GIPR: variants seen among roughly 807,000 people sequenced by gnomAD.
The protein encoded by GIPR is GIP-R.
A neutral mutation model predicts 62.2 loss-of-function variants in GIPR; 74 were observed. The ratio of observed to expected loss-of-function variants is 1.19; its 90% confidence interval spans 0.99 to 1.44. GIPR has a LOEUF of 1.44. Among genes scored for constraint, GIPR ranks in the 40% most tolerant of loss-of-function variants. The probability of loss-of-function intolerance (pLI) is 0.00; values close to 1 mark genes in which losing one functional copy is unlikely to be tolerated. For missense variants in GIPR, 664 were observed against 611.8 expected (o/e 1.09, Z -0.90); for synonymous variants, 256 against 262.2 (o/e 0.98, Z 0.23).
chr19:45,681,635 T>C lies in GIPR; in HGVS notation c.1184T>C (p.Ile395Thr), dbSNP rs1194775078. Residue 395 changes from isoleucine (I) to threonine (T), a missense_variant, in exon 13 of 14, where the codon ATC becomes ACC. By Grantham distance (89) the Ile-to-Thr change is moderately conservative. Transcript: ENST00000590918. ...CTGGTCAGCGTCCTCTACTGCTTCA[T>C]CAACAAGGAGGTAGGCAGAGACCCG... The part of the protein sequence containing the change: ...GFLVSVLYCF[I>T]NKEVQSEIRR... 6.2e-7 allele frequency: 1 copy of C among 1,613,754 alleles called. No homozygotes were observed. Among genetic ancestry groups the C allele is most frequent in the East Asian group, 2.2e-5 (1 of 44,882 alleles).
At chr19:45,680,649 C>T (rs1967178580) in intron 12 of GIPR, among the ~76,000 whole-genome samples, 1 of 151,754 alleles carries the variant, frequency 6.6e-6, no homozygotes, top group Non-Finnish European at 1.5e-5. Flanking sequence ...GGCAACATGG[C>T]AAAAATTCTG....
rs1280893409 is a variant in GIPR, at chr19:45,682,463, A to G, written c.*528A>G. The G allele has an allele frequency of 3.3e-5, 5 of 152,264 alleles. No individual in the cohort carries two copies. Among genetic ancestry groups the G allele is most frequent in the Non-Finnish European group, 7.3e-5 (5 of 68,632 alleles). The allele number at this position is 152,264 out of a possible 1,614,324, so 9.4% of individuals were successfully genotyped here. A position where few individuals can be genotyped will look rare whatever the true frequency, so the allele number is the denominator to read the frequency against. ...TTATTTTTTAAAAAATGAGGATGTCACTCTTACCCAGGTTGGTCTTGAACT... is the reference window on the plus strand; with the variant it reads ...TTATTTTTTAAAAAATGAGGATGTCGCTCTTACCCAGGTTGGTCTTGAACT... On this transcript the variant is annotated 3_prime_UTR_variant, in exon 14 of 14. Transcript: ENST00000590918.
At position 45,671,281 on chromosome 19, in the gene GIPR, C is replaced by T. The variant is rs1215329206; in HGVS notation, c.173-4C>T. The T allele has an allele frequency of 3.8e-6, 6 of 1,598,806 alleles. No individual in the cohort carries two copies. The highest frequency in any genetic ancestry group is 5.1e-6 in the Non-Finnish European group (6 of 1,168,034). On this transcript the variant is annotated splice_polypyrimidine_tract_variant and splice_region_variant and intron_variant, in intron 3 of 13. Coordinates refer to ENST00000590918, the MANE Select transcript of GIPR (RefSeq NM_000164.4). ...GGGCACCTGGCCCCCGTGCCCACCCCCAGGCCTCGCCTGTAACGGGTCCTT... is the reference window on the plus strand; with the variant it reads ...GGGCACCTGGCCCCCGTGCCCACCCTCAGGCCTCGCCTGTAACGGGTCCTT...
intron 5 of GIPR, 148 bp from the exon 6 acceptor site, chr19:45,673,926 G>A: frequency 1.4e-6 from 1 of 729,410 alleles, no homozygotes; most frequent in Admixed American, 1.8e-5. Flanking sequence ...GAAGGGTGGA[G>A]TCAGCCCTTC....
At position 45,679,206 on chromosome 19, in the gene GIPR, G is replaced by A. The variant is rs141728825; in HGVS notation, c.1152+980G>A. Reference sequence around the variant, plus strand: ...ATAGAAGTAAGGCATACAGCTGGGCGCAGTGGCTCACACCTGTAATCCCAG... The same window carrying A: ...ATAGAAGTAAGGCATACAGCTGGGCACAGTGGCTCACACCTGTAATCCCAG... On this transcript the variant is annotated intron_variant, in intron 12 of 13. Coordinates refer to ENST00000590918, the MANE Select transcript of GIPR (RefSeq NM_000164.4). 2.2e-4 allele frequency among the ~76,000 whole-genome samples: 33 copies of A among 152,258 alleles called. 1 individual carries two copies. The highest frequency in any genetic ancestry group is 7.0e-4 in the African/African-American group (29 of 41,542).
intron 1 of GIPR, among the ~76,000 whole-genome samples, chr19:45,668,649 C>G (rs1324357367): frequency 6.6e-6 from 1 of 152,132 alleles, no homozygotes; most frequent in Non-Finnish European, 1.5e-5. Flanking sequence ...ATTTCTGTCT[C>G]TTGTGTCTGT....
chr19:45,672,347 T>G (rs1269843388), intron 4 of GIPR, among the ~76,000 whole-genome samples: 1 of 151,930 alleles, frequency 6.6e-6, no homozygotes, highest in African/African-American at 2.4e-5. Flanking sequence ...CTCGCTTTGT[T>G]GCAAGGCTGG....
intron 7 of GIPR, chr19:45,675,162 T>C (rs1975771649): frequency 2.9e-6 from 1 of 345,094 alleles, no homozygotes; most frequent in Non-Finnish European, 5.8e-6. Context: ...AGAAAGTAAG[T>C]GGGGGTGGGG....
At chr19:45,674,993 G>A in intron 7 of GIPR, 167 bp downstream of exon 7, 1 of 695,720 alleles carries the variant, frequency 1.4e-6, no homozygotes, top group Non-Finnish European at 2.6e-6. Flanking sequence ...CATTTGGAGA[G>A]GGAACCTCCC....
intron 7 of GIPR, chr19:45,675,401 C>G (rs1248574147): frequency 6.5e-6 from 1 of 154,018 alleles, no homozygotes; most frequent in Non-Finnish European, 1.4e-5. Flanking sequence ...ATGGTGAAAC[C>G]CTGTCTCTAC....
At chr19:45,679,837 T>A (rs1242721727) in intron 12 of GIPR, among the ~76,000 whole-genome samples, 1 of 152,000 alleles carries the variant, frequency 6.6e-6, no homozygotes, top group Non-Finnish European at 1.5e-5. Flanking sequence ...TGGTGCCATC[T>A]CAGCTCACTG....
chr19:45,671,197 C>T, intron 3 of GIPR, 88 bp from the exon 4 acceptor site: 2 of 821,404 alleles, frequency 2.4e-6, no homozygotes, highest in Admixed American at 3.4e-5. Flanking sequence ...TGGCCCACTG[C>T]GGAGAAGCAC....
Position 45,683,036 on chromosome 19 carries a change from G to C in GIPR, c.*1101G>C, listed in dbSNP as rs1967324307. On this transcript the variant is annotated 3_prime_UTR_variant, in exon 14 of 14. Coordinates refer to ENST00000590918, the MANE Select transcript of GIPR (RefSeq NM_000164.4). ...GAAGCTGTTTAAAAGGTGGAGGTGAGAGGATTTCATGAAGGAGCACATGAG... is the reference window on the plus strand; with the variant it reads ...GAAGCTGTTTAAAAGGTGGAGGTGACAGGATTTCATGAAGGAGCACATGAG... 1 of 152,820 alleles carries C rather than the reference G, an allele frequency of 6.5e-6. No individual in the cohort carries two copies. Among genetic ancestry groups the C allele is most frequent in the Non-Finnish European group, 1.5e-5 (1 of 68,324 alleles). The allele number at this position is 152,820 out of a possible 1,614,324, so 9.5% of individuals were successfully genotyped here. A position where few individuals can be genotyped will look rare whatever the true frequency, so the allele number is the denominator to read the frequency against.
rs1191126600 is a variant in GIPR at position 45,677,326 on chromosome 19, C to A, written c.797C>A (p.Ala266Asp). The A allele has an allele frequency of 1.3e-6, 2 of 1,581,870 alleles. No homozygotes were observed. The highest frequency in any genetic ancestry group is 1.7e-6 in the Non-Finnish European group (2 of 1,161,098). Reference sequence around the variant, plus strand: ...GGCGGGGTCGGGGTCTGCACAGGGGCCCCCGCGCTTTTCGTCATTCCCTGG... The same window carrying A: ...GGCGGGGTCGGGGTCTGCACAGGGGACCCCGCGCTTTTCGTCATTCCCTGG... ...FRYYLLLGWG[A>D]PALFVIPWVI... Residue 266 changes from alanine to aspartate, a missense_variant, in exon 9 of 14, where the codon GCC (alanine) becomes GAC (aspartate). Transcript: ENST00000590918.
intron 2 of GIPR, 47 bp downstream of exon 2, chr19:45,669,639 TG>T: frequency 6.5e-7 from 1 of 1,544,188 alleles, no homozygotes. Context: ...GAGGGAGGTA[TG>T]GGGACGGTTT....
At position 45,674,776 on chromosome 19, in the gene GIPR, C is replaced by T; in HGVS notation, c.583C>T (p.Pro195Ser). 1.9e-6 allele frequency: 3 copies of T among 1,613,984 alleles called. No homozygotes were observed. The highest frequency in any genetic ancestry group is 2.5e-6 in the Non-Finnish European group (3 of 1,179,948). Residue 195 changes from proline to serine, a missense_variant, in exon 7 of 14, where the codon CCT (proline) becomes TCT (serine). Coordinates refer to ENST00000590918, the MANE Select transcript of GIPR (RefSeq NM_000164.4). ...AAILSRDRLL[P>S]RPGPYLGDQA... ...CATTCTCAGCCGAGACCGTCTGCTA[C>T]CTCGACCTGGCCCCTACCTTGGGGA...
At chr19:45,677,834 A>G (rs1967034566) in intron 10 of GIPR, 55 bp downstream of exon 10, 11 of 1,595,496 alleles carry the variant, frequency 6.9e-6, no homozygotes, top group South Asian at 2.2e-5. Context: ...CATTCTGGGA[A>G]GTGGGCTGCC....
chr19:45,675,622 A>T (rs558343005), intron 7 of GIPR, among the ~76,000 whole-genome samples: 2 of 149,180 alleles, frequency 1.3e-5, no homozygotes, highest in African/African-American at 4.9e-5. Flanking sequence ...GCAGTGGCTC[A>T]TGCCTGTAAT....
rs772263243 is a variant in GIPR, at chr19:45,681,918, T to G, written c.1384T>G (p.Leu462Val). Residue 462 changes from leucine to valine, a missense_variant, in exon 14 of 14, where the codon TTG (leucine) becomes GTG (valine). Transcript: ENST00000590918. ...GCCTGGGAATGAGGCCAGCCGGGAGTTGGAAAGTTACTGCTAGGGGGCGGG... is the reference window on the plus strand; with the variant it reads ...GCCTGGGAATGAGGCCAGCCGGGAGGTGGAAAGTTACTGCTAGGGGGCGGG... ...PGPGNEASRELESYC is the reference protein window; with the variant it reads ...PGPGNEASREVESYC The G allele has an allele frequency of 1.9e-6, 3 of 1,559,602 alleles. No homozygotes were observed. The highest frequency in any genetic ancestry group is 2.6e-6 in the Non-Finnish European group (3 of 1,151,242).
Sources: allele counts gnomAD v4.1 joint callset (sites outside exome capture counted in the v4.1 genomes callset), GRCh38; gene constraint gnomAD v4.1.1; transcripts MANE v1.5; gene names NCBI Gene and HGNC (gene_info 2026-07-23, HGNC 2026-07-21).